The following MAF variants were observed in gnomAD, a reference collection of about 807,000 sequenced individuals.
MAF encodes the protein transcription factor Maf.
A neutral mutation model predicts 22.0 loss-of-function variants in MAF; 10 were observed. The ratio of observed to expected loss-of-function variants is 0.45; its 90% CI spans 0.28 to 0.77. The LOEUF (loss-of-function observed/expected upper bound fraction) is 0.77, where lower values mean the gene tolerates loss of function less well. MAF is among the 30% of genes least tolerant of loss of function. The pLI is 0.12. For synonymous variants in MAF, 337 were observed against 255.8 expected (o/e 1.32, Z -3.03); for missense variants, 544 against 548.4 (o/e 0.99, Z 0.08).
chr16:79,503,122 C>T, the MAF span, among the ~76,000 whole-genome samples: 1 of 152,120 alleles, frequency 6.6e-6, no homozygotes, highest in African/African-American at 2.4e-5. Flanking sequence ...GGTTTACGGG[C>T]TGGGCACAAG....
chr16:79,310,902 T>C, the MAF span, among the ~76,000 whole-genome samples: 1 of 152,192 alleles, frequency 6.6e-6, no homozygotes, highest in African/African-American at 2.4e-5. Context: ...CTTGGCAGAG[T>C]CTGCTGGCTG....
chr16:79,255,057 C>T, the MAF span, among the ~76,000 whole-genome samples: 1 of 152,154 alleles, frequency 6.6e-6, no homozygotes, highest in Non-Finnish European at 1.5e-5. Flanking sequence ...CACTGTTCAC[C>T]GGTGCAGTTT....
At chr16:79,293,532 A>G in the MAF span, among the ~76,000 whole-genome samples, 5 of 152,170 alleles carry the variant, frequency 3.3e-5, no homozygotes, top group East Asian at 1.9e-4. Flanking sequence ...GCAATGATCA[A>G]TGTTTGTCAA....
At chr16:79,372,304 T>A in the MAF span, among the ~76,000 whole-genome samples, 4 of 152,106 alleles carry the variant, frequency 2.6e-5, 1 homozygote, top group South Asian at 8.3e-4. Context: ...GGAACAAACA[T>A]GTAACAGAGA....
the MAF span, among the ~76,000 whole-genome samples, chr16:79,251,421 T>C: frequency 6.6e-6 from 1 of 150,458 alleles, no homozygotes; most frequent in African/African-American, 2.5e-5. Flanking sequence ...GTTCAAGCAA[T>C]TCTCCTGCGT....
chr16:79,238,820 CT>C, the MAF span, among the ~76,000 whole-genome samples: 1 of 151,968 alleles, frequency 6.6e-6, no homozygotes, highest in East Asian at 1.9e-4. Context: ...GGCAGGATCT[CT>C]TTTTCTTGGG....
the MAF span, among the ~76,000 whole-genome samples, chr16:79,215,928 C>G: frequency 2.9e-3 from 439 of 152,300 alleles, 5 homozygotes; most frequent in Admixed American, 0.022. Context: ...ATGCCCATTT[C>G]TCCCTGAACC....
At chr16:79,479,132 G>A in the MAF span, among the ~76,000 whole-genome samples, 1 of 147,788 alleles carries the variant, frequency 6.8e-6, no homozygotes, top group Non-Finnish European at 1.5e-5. Flanking sequence ...CCATTCTGGT[G>A]CACCTGTGCA....
At chr16:79,242,187 C>A in the MAF span, among the ~76,000 whole-genome samples, 1 of 151,902 alleles carries the variant, frequency 6.6e-6, no homozygotes, top group East Asian at 1.9e-4. Flanking sequence ...TCACACATAA[C>A]AGTATTAACC....
chr16:79,432,850 G>T, the MAF span, among the ~76,000 whole-genome samples: 4 of 152,126 alleles, frequency 2.6e-5, no homozygotes, highest in Non-Finnish European at 5.9e-5. Flanking sequence ...AGCTGGGAAG[G>T]CATCCTGGAA....
chr16:79,353,383 C>A, the MAF span, among the ~76,000 whole-genome samples: 1 of 152,180 alleles, frequency 6.6e-6, no homozygotes, highest in African/African-American at 2.4e-5. Flanking sequence ...CCTGCCTCGG[C>A]CTCCCAAAGT....
chr16:79,256,086 A>C, the MAF span, among the ~76,000 whole-genome samples: 1 of 149,066 alleles, frequency 6.7e-6, no homozygotes, highest in Non-Finnish European at 1.5e-5. Flanking sequence ...GGTTCAAGCA[A>C]TTCTCCTGCC....
chr16:79,355,620 A>C, the MAF span, among the ~76,000 whole-genome samples: 1 of 152,222 alleles, frequency 6.6e-6, no homozygotes, highest in African/African-American at 2.4e-5. Flanking sequence ...GAGAATAAGC[A>C]TACAGTAGGG....
At chr16:79,257,133 T>C in the MAF span, among the ~76,000 whole-genome samples, 2 of 152,026 alleles carry the variant, frequency 1.3e-5, no homozygotes, top group African/African-American at 4.8e-5. Flanking sequence ...GCCAAGATCA[T>C]GCCACTGCAC....
At chr16:79,300,508 T>C in the MAF span, among the ~76,000 whole-genome samples, 1 of 152,002 alleles carries the variant, frequency 6.6e-6, no homozygotes, top group African/African-American at 2.4e-5. Context: ...TGAGTGGAGA[T>C]CCGGCCACTG....
the MAF span, among the ~76,000 whole-genome samples, chr16:79,537,755 A>T: frequency 1.3e-5 from 2 of 152,018 alleles, no homozygotes; most frequent in Non-Finnish European, 2.9e-5. Flanking sequence ...CTGGGTGCCA[A>T]TGAGACAGCT....
the MAF span, among the ~76,000 whole-genome samples, chr16:79,386,585 T>C: frequency 6.6e-6 from 1 of 152,174 alleles, no homozygotes; most frequent in African/African-American, 2.4e-5. Context: ...TACCAGCCCA[T>C]GGCCCGGTGG....
chr16:79,432,745 C>A, the MAF span, among the ~76,000 whole-genome samples: 1 of 152,136 alleles, frequency 6.6e-6, no homozygotes, highest in African/African-American at 2.4e-5. Context: ...TGGACATACA[C>A]ACACACACAC....
chr16:79,331,164 T>C, the MAF span, among the ~76,000 whole-genome samples: 95 of 152,270 alleles, frequency 6.2e-4, no homozygotes, highest in Middle Eastern at 0.01. Flanking sequence ...CCTTAACAAA[T>C]AGAGCTAATG....
Sources: allele counts gnomAD v4.1 joint callset (sites outside exome capture counted in the v4.1 genomes callset), GRCh38; gene constraint gnomAD v4.1.1; transcripts MANE v1.5; gene names NCBI Gene and HGNC (gene_info 2026-07-23, HGNC 2026-07-21).